The following EBF1 variants were observed in gnomAD, a reference collection of about 807,000 sequenced individuals.
EBF1 encodes the protein transcription factor COE1.
In EBF1, 10 loss-of-function variants were observed where a neutral mutation model predicts 68.4. The observed-to-expected ratio is 0.15, with a 90% confidence interval of 0.09 to 0.25. The LOEUF (loss-of-function observed/expected upper bound fraction) is 0.25. EBF1 is among the 10% of genes least tolerant of loss of function. EBF1 has a pLI of 1.00. For missense variants in EBF1, 509 were observed against 794.4 expected (o/e 0.64, Z 4.32); for synonymous variants, 298 against 299.8 (o/e 0.99, Z 0.06).
intron 4 of EBF1, among the ~76,000 whole-genome samples, chr5:159,085,901 C>T (rs1265819807): frequency 1.3e-5 from 2 of 152,018 alleles, no homozygotes; most frequent in Non-Finnish European, 2.9e-5. Flanking sequence ...ACTTGCGACC[C>T]AGTGTGTATA....
At chr5:158,996,434 A>G (rs572447146) in intron 6 of EBF1, among the ~76,000 whole-genome samples, 24 of 152,252 alleles carry the variant, frequency 1.6e-4, no homozygotes, top group African/African-American at 5.5e-4. Context: ...GACAGTTGTG[A>G]TTTCTGTCTT....
Position 159,099,716 on chromosome 5 carries a change from T to C in EBF1, c.-238A>G, listed in dbSNP as rs1263514297. 1 of 305,842 alleles carries C rather than the reference T, an allele frequency of 3.3e-6. No homozygotes were observed. Among genetic ancestry groups the C allele is most frequent in the African/African-American group, 2.3e-5 (1 of 43,334 alleles). 18.9% of individuals were successfully genotyped at this position (305,842 alleles called of 1,614,324 possible). ...CCCGAAAAAAAGAAGAAAGGGAAAA[T>C]CCAACGAAAAGACCAAAATAATAAA... is the stretch of plus-strand genomic sequence containing the variant. On this transcript the variant is annotated 5_prime_UTR_variant, in exon 1 of 16. Coordinates refer to ENST00000313708, the MANE Select transcript of EBF1 (RefSeq NM_024007.5).
At chr5:158,882,947 G>A (rs1486886362) in intron 6 of EBF1, among the ~76,000 whole-genome samples, 1 of 152,096 alleles carries the variant, frequency 6.6e-6, no homozygotes, top group Non-Finnish European at 1.5e-5. Flanking sequence ...GAAAAAGGGG[G>A]TGAATCATTC....
chr5:158,836,925 A>T (rs916412692), intron 7 of EBF1, among the ~76,000 whole-genome samples: 1 of 152,194 alleles, frequency 6.6e-6, no homozygotes, highest in Non-Finnish European at 1.5e-5. Context: ...TTTGAGAATC[A>T]CAGGCAAGAG....
intron 6 of EBF1, among the ~76,000 whole-genome samples, chr5:158,877,124 C>T (rs1726465311): frequency 6.6e-6 from 1 of 152,154 alleles, no homozygotes; most frequent in Non-Finnish European, 1.5e-5. Context: ...CCCAGATTCA[C>T]TTCAGTTTTC....
At chr5:158,855,247 A>G (rs1405077438) in intron 6 of EBF1, among the ~76,000 whole-genome samples, 2 of 152,246 alleles carry the variant, frequency 1.3e-5, no homozygotes, top group African/African-American at 4.8e-5. Context: ...AATTTTTTAA[A>G]AACAGGCTAT....
intron 6 of EBF1, among the ~76,000 whole-genome samples, chr5:158,851,429 A>AG: frequency 8.6e-6 from 1 of 115,658 alleles, no homozygotes; most frequent in Non-Finnish European, 1.8e-5. Flanking sequence ...GAAGGGAAGA[A>AG]AGAAAAGGAA....
intron 6 of EBF1, among the ~76,000 whole-genome samples, chr5:158,941,061 G>A (rs1813256725): frequency 1.3e-5 from 2 of 152,070 alleles, no homozygotes; most frequent in Admixed American, 1.3e-4. Context: ...CTCAAGAAAA[G>A]ACAAAACTGA....
intron 6 of EBF1, among the ~76,000 whole-genome samples, chr5:158,924,954 G>A (rs913512487): frequency 6.6e-6 from 1 of 151,444 alleles, no homozygotes; most frequent in Non-Finnish European, 1.5e-5. Context: ...GCTTTTAGAA[G>A]GAAATCCAAT....
chr5:158,947,400 ATCCCTCACAGCAGGG>A (rs1409477798), intron 6 of EBF1, among the ~76,000 whole-genome samples: 1 of 152,212 alleles, frequency 6.6e-6, no homozygotes. Flanking sequence ...AGATAGCACC[ATCCCTCACAGCAGGG>A]TCCCTCACGG....
chr5:158,759,680 C>T lies in EBF1; in HGVS notation c.1036+17733G>A, dbSNP rs530989301. 5.4e-4 allele frequency among the ~76,000 whole-genome samples: 82 copies of T among 152,288 alleles called. 1 individual carries two copies. The highest frequency in any genetic ancestry group is 1.7e-3 in the African/African-American group (72 of 41,582). On this transcript the variant is annotated intron_variant, in intron 10 of 15. Coordinates refer to ENST00000313708, the MANE Select transcript of EBF1 (RefSeq NM_024007.5). ...ACACATGGCTGTCTAAAGAAGTCCT[C>T]TAGCTCCCCTCATTGCACTGTACCA...
At chr5:158,870,172 T>C (rs61731505) in intron 6 of EBF1, among the ~76,000 whole-genome samples, 23 of 152,326 alleles carry the variant, frequency 1.5e-4, no homozygotes, top group Non-Finnish European at 2.9e-4. Context: ...CATTTGGCCA[T>C]GTTATTAAAA....
chr5:159,046,195 C>T (rs1772359227), intron 6 of EBF1, among the ~76,000 whole-genome samples: 3 of 152,218 alleles, frequency 2.0e-5, no homozygotes, highest in Non-Finnish European at 2.9e-5. Context: ...CTCTGTCCCA[C>T]CATTTAACCA....
intron 6 of EBF1, among the ~76,000 whole-genome samples, chr5:159,031,448 C>T (rs1768841553): frequency 7.4e-6 from 1 of 134,364 alleles, no homozygotes. Flanking sequence ...CCAGCATATG[C>T]ATATGCACCT....
At chr5:158,974,670 T>C (rs1554095392) in intron 6 of EBF1, among the ~76,000 whole-genome samples, 1 of 152,214 alleles carries the variant, frequency 6.6e-6, no homozygotes, top group Non-Finnish European at 1.5e-5. Context: ...AAAAATGTTT[T>C]AAAATGAAAA....
chr5:158,823,366 G>T, intron 7 of EBF1, 49 bp from the exon 8 acceptor site: 1 of 1,558,336 alleles, frequency 6.4e-7, no homozygotes. Context: ...TAAAAGCGTG[G>T]TGGGTAATAA....
At chr5:158,852,050 GAGGGGAGGAGAGGGGAGGA>G (rs1793009026) in intron 6 of EBF1, among the ~76,000 whole-genome samples, 1 of 65,028 alleles carries the variant, frequency 1.5e-5, no homozygotes, top group Non-Finnish European at 3.1e-5. Flanking sequence ...GAGGGGAGGA[GAGGGGAGGAGAGGGGAGGA>G]GAGGGGAGGG....
At chr5:159,077,563 T>A (rs1778994305) in intron 5 of EBF1, among the ~76,000 whole-genome samples, 1 of 152,126 alleles carries the variant, frequency 6.6e-6, no homozygotes, top group African/African-American at 2.4e-5. Context: ...CTCACCTGAA[T>A]ATAAGCCCCA....
chr5:158,894,323 C>T (rs1801755094), intron 6 of EBF1, among the ~76,000 whole-genome samples: 1 of 151,472 alleles, frequency 6.6e-6, no homozygotes, highest in Non-Finnish European at 1.5e-5. Flanking sequence ...GGGAAGAGGC[C>T]ATTGAATTTT....
Sources: allele counts gnomAD v4.1 joint callset (sites outside exome capture counted in the v4.1 genomes callset), GRCh38; gene constraint gnomAD v4.1.1; transcripts MANE v1.5; gene names NCBI Gene and HGNC (gene_info 2026-07-23, HGNC 2026-07-21).